RNGTT: variants seen among roughly 807,000 people sequenced by gnomAD.
RNGTT encodes RNA guanylyltransferase and 5'-phosphatase.
In RNGTT, 33 loss-of-function variants were observed where a neutral mutation model predicts 79.3. That is an observed-to-expected ratio of 0.42 (90% CI 0.32 to 0.56). The LOEUF is 0.56. Ranked by LOEUF, RNGTT falls within the 20% of genes least tolerant of loss-of-function variation. The pLI is 0.17. For missense variants in RNGTT, 497 were observed against 739.1 expected, an observed-to-expected ratio of 0.67 and a Z score of 3.80; for synonymous variants, 222 against 235.9, an observed-to-expected ratio of 0.94 and a Z score of 0.54.
intron 13 of RNGTT, among the ~76,000 whole-genome samples, chr6:88,727,203 G>C (rs1210015272): frequency 2.0e-5 from 3 of 152,172 alleles, no homozygotes; most frequent in African/African-American, 7.2e-5. Context: ...TAGGCCTCCT[G>C]AATGTAAAAC....
intron 12 of RNGTT, among the ~76,000 whole-genome samples, chr6:88,787,614 G>A (rs1296943760): frequency 4.0e-5 from 6 of 151,832 alleles, no homozygotes; most frequent in Admixed American, 6.6e-5. Flanking sequence ...AGCCCAGATC[G>A]CGTCACTGCA....
At chr6:88,837,871 T>C (rs899510546) in intron 11 of RNGTT, among the ~76,000 whole-genome samples, 6 of 152,232 alleles carry the variant, frequency 3.9e-5, no homozygotes, top group Admixed American at 3.9e-4. Flanking sequence ...CCAGAAGCAT[T>C]CCCACTCAAA....
At chr6:88,624,602 A>G (rs1277219226) in intron 14 of RNGTT, among the ~76,000 whole-genome samples, 1 of 151,956 alleles carries the variant, frequency 6.6e-6, no homozygotes, top group East Asian at 1.9e-4. Context: ...CTAAATAAAT[A>G]TAGAACTGAA....
At chr6:88,632,316 T>G (rs1320296059) in intron 14 of RNGTT, among the ~76,000 whole-genome samples, 3 of 152,068 alleles carry the variant, frequency 2.0e-5, no homozygotes, top group African/African-American at 7.2e-5. Context: ...CTATAACTTA[T>G]CCAAAGCATA....
intron 13 of RNGTT, among the ~76,000 whole-genome samples, chr6:88,728,562 T>C (rs1776999792): frequency 6.6e-6 from 1 of 152,236 alleles, no homozygotes; most frequent in South Asian, 2.1e-4. Flanking sequence ...CCCCCAACTG[T>C]AAGCTAAACC....
At chr6:88,919,532 T>C (rs1261628808) in intron 4 of RNGTT, among the ~76,000 whole-genome samples, 1 of 152,068 alleles carries the variant, frequency 6.6e-6, no homozygotes, top group Non-Finnish European at 1.5e-5. Flanking sequence ...CTCTCTATGT[T>C]GCCAAGGCTG....
intron 15 of RNGTT, 63 bp from the exon 16 acceptor site, chr6:88,612,945 C>T: frequency 6.8e-7 from 1 of 1,475,876 alleles, no homozygotes; most frequent in Non-Finnish European, 9.3e-7. Context: ...TCACCACAGG[C>T]TTATGAGAAA....
intron 14 of RNGTT, among the ~76,000 whole-genome samples, chr6:88,662,775 T>G (rs920888099): frequency 1.1e-4 from 17 of 152,008 alleles, no homozygotes; most frequent in African/African-American, 4.1e-4. Context: ...CACAGCAGTG[T>G]GCGGCAGACC....
intron 13 of RNGTT, among the ~76,000 whole-genome samples, chr6:88,769,025 A>G (rs1028713776): frequency 1.3e-5 from 2 of 152,246 alleles, no homozygotes; most frequent in African/African-American, 4.8e-5. Flanking sequence ...ACTTATTTCG[A>G]TATGCTTAAT....
chr6:88,651,805 AAT>A (rs1773808061), intron 14 of RNGTT, among the ~76,000 whole-genome samples: 1 of 152,066 alleles, frequency 6.6e-6, no homozygotes, highest in Admixed American at 6.6e-5. Context: ...TTTACTGGCT[AAT>A]AACACTTAGA....
In RNGTT at chr6:88,676,641, G is replaced by C. The variant is rs550876024; in HGVS notation, c.1506+1712C>G. Reference sequence around the variant, plus strand: ...CACTGTTAAGAGATGAAAAGACAACGATAGCTGGGAGAAAATAACTGCAAA... The same window carrying C: ...CACTGTTAAGAGATGAAAAGACAACCATAGCTGGGAGAAAATAACTGCAAA... On this transcript the variant is annotated intron_variant, in intron 14 of 15. Coordinates refer to ENST00000369485, the MANE Select transcript of RNGTT (RefSeq NM_003800.5). Among the ~76,000 whole-genome samples, 17 of 152,302 alleles carry C rather than the reference G, an allele frequency of 1.1e-4. No homozygotes were observed. In the Middle Eastern group the frequency reaches 0.01, roughly 91 times the overall value.
chr6:88,742,505 T>TC (rs1194368837), intron 13 of RNGTT, among the ~76,000 whole-genome samples: 1 of 152,212 alleles, frequency 6.6e-6, no homozygotes, highest in African/African-American at 2.4e-5. Flanking sequence ...AATCTGTTCT[T>TC]CTTTCATCTT....
intron 12 of RNGTT, 111 bp downstream of exon 12, chr6:88,801,453 C>T: frequency 1.4e-5 from 10 of 715,174 alleles, no homozygotes; most frequent in South Asian, 5.2e-5. Context: ...GTAATCAATC[C>T]CAAGTAAATA....
At chr6:88,799,595 G>C (rs557540504) in intron 12 of RNGTT, among the ~76,000 whole-genome samples, 2 of 151,404 alleles carry the variant, frequency 1.3e-5, no homozygotes, top group South Asian at 2.1e-4. Flanking sequence ...AGCTACTCAG[G>C]AGGCTGAGGC....
At chr6:88,617,824 T>C (rs1772288861) in intron 14 of RNGTT, among the ~76,000 whole-genome samples, 1 of 152,148 alleles carries the variant, frequency 6.6e-6, no homozygotes, top group Non-Finnish European at 1.5e-5. Flanking sequence ...TTCTATTTAT[T>C]TGTATCTTCT....
intron 1 of RNGTT, among the ~76,000 whole-genome samples, chr6:88,952,485 C>G (rs1785284093): frequency 6.6e-6 from 1 of 152,246 alleles, no homozygotes; most frequent in African/African-American, 2.4e-5. Context: ...GAAAGCACCA[C>G]CTCCTGGCTG....
intron 4 of RNGTT, among the ~76,000 whole-genome samples, chr6:88,923,440 T>C (rs1411181068): frequency 1.3e-5 from 2 of 152,222 alleles, no homozygotes. Context: ...CTGTAGAGAC[T>C]ATACCAATTA....
chr6:88,704,771 GA>G (rs1477898937), intron 13 of RNGTT, among the ~76,000 whole-genome samples: 1 of 151,962 alleles, frequency 6.6e-6, no homozygotes, highest in Admixed American at 6.6e-5. Flanking sequence ...GGGAAATAGA[GA>G]AAAAAAGAGA....
chr6:88,682,730 T>C (rs1482251604), intron 13 of RNGTT, among the ~76,000 whole-genome samples: 1 of 152,156 alleles, frequency 6.6e-6, no homozygotes, highest in Non-Finnish European at 1.5e-5. Context: ...CTAGCTACTC[T>C]TCCTGATCCT....
Sources: allele counts gnomAD v4.1 joint callset (sites outside exome capture counted in the v4.1 genomes callset), GRCh38; gene constraint gnomAD v4.1.1; transcripts MANE v1.5; gene names NCBI Gene and HGNC (gene_info 2026-07-23, HGNC 2026-07-21).